The following CDH23 variants were observed in gnomAD, a reference collection of about 807,000 sequenced individuals.
The protein encoded by CDH23 is cadherin-23.
In CDH23, 189 loss-of-function variants were observed where a neutral mutation model predicts 317.1. The ratio of observed to expected loss-of-function variants is 0.60; its 90% CI spans 0.53 to 0.67. CDH23 has a LOEUF of 0.67. Among genes scored for constraint, CDH23 ranks in the 30% least tolerant of loss-of-function variants. The pLI is 0.00. For missense variants in CDH23, 4,401 were observed against 4,592.4 expected (o/e 0.96, Z 1.20); for synonymous variants, 1,839 against 1,876.8 (o/e 0.98, Z 0.52).
Position 71,784,910 on chromosome 10 carries a change from T to C in CDH23, c.5522T>C (p.Val1841Ala), listed in dbSNP as rs1589419892. The part of the protein sequence containing the change: ...LSSTMLVGIR[V>A]LDINDNDPVL... The stretch of plus-strand genomic sequence containing the variant: ...GCCCAGATGCTGGTGGGGATCCGGG[T>C]GCTGGACATCAACGACAACGACCCT... Residue 1841 changes from valine (V) to alanine (A), a missense_variant, in exon 43 of 70, where the codon GTG becomes GCG. Transcript: ENST00000224721. 6.2e-7 allele frequency: 1 copy of C among 1,613,984 alleles called. No individual in the cohort carries two copies. Among genetic ancestry groups the C allele is most frequent in the East Asian group, 2.2e-5 (1 of 44,872 alleles).
At chr10:71,547,972 C>T (rs1006168459) in intron 6 of CDH23, among the ~76,000 whole-genome samples, 32 of 152,186 alleles carry the variant, frequency 2.1e-4, no homozygotes, top group Non-Finnish European at 4.0e-4. Flanking sequence ...AGAGAGGCCC[C>T]GTGGGGTAGG....
At chr10:71,814,690 ACAC>A (rs1200442627) in intron 69 of CDH23, among the ~76,000 whole-genome samples, 2 of 139,706 alleles carry the variant, frequency 1.4e-5, no homozygotes, top group Non-Finnish European at 1.6e-5. Context: ...ATACACACAC[ACAC>A]AATTTTCACA....
At chr10:71,519,750 T>C (rs1174852504) in intron 6 of CDH23, among the ~76,000 whole-genome samples, 3 of 152,226 alleles carry the variant, frequency 2.0e-5, no homozygotes, top group Non-Finnish European at 4.4e-5. Flanking sequence ...ACTTGGTAAC[T>C]GATGGGTATT....
At chr10:71,722,448 G>A (rs1271384427) in intron 28 of CDH23, among the ~76,000 whole-genome samples, 4 of 152,202 alleles carry the variant, frequency 2.6e-5, no homozygotes, top group African/African-American at 4.8e-5. Flanking sequence ...TCCTGCATTC[G>A]TGCTTACTGA....
chr10:71,525,740 G>A (rs114878154), intron 6 of CDH23, among the ~76,000 whole-genome samples: 38 of 152,318 alleles, frequency 2.5e-4, no homozygotes, highest in East Asian at 2.1e-3. Context: ...AGGGTTCAGC[G>A]GGGGCCTGAG....
chr10:71,631,558 C>A (rs1244117896), intron 11 of CDH23, among the ~76,000 whole-genome samples: 2 of 152,210 alleles, frequency 1.3e-5, no homozygotes, highest in Non-Finnish European at 2.9e-5. Context: ...ATATCTTAGT[C>A]CATTTCTGTT....
At chr10:71,802,762 A>C (rs1036156854) in intron 53 of CDH23, 136 bp from the exon 54 acceptor site, 3 of 905,064 alleles carry the variant, frequency 3.3e-6, no homozygotes, top group Admixed American at 4.3e-5. Context: ...TCAGACTCCA[A>C]CACATTAGAA....
intron 3 of CDH23, among the ~76,000 whole-genome samples, chr10:71,466,005 GCGGCT>G (rs1171695995): frequency 2.6e-5 from 4 of 152,186 alleles, no homozygotes; most frequent in Non-Finnish European, 5.9e-5. Flanking sequence ...CCTGTGCTGG[GCGGCT>G]CTTGCTGCTG....
intron 34 of CDH23, chr10:71,737,785 G>A (rs1384409633): frequency 4.3e-6 from 2 of 468,408 alleles, no homozygotes; most frequent in Non-Finnish European, 4.4e-6. Context: ...CTCACCCGCG[G>A]CAGGCCTTCA....
intron 14 of CDH23, among the ~76,000 whole-genome samples, chr10:71,672,918 C>G (rs1415898059): frequency 6.6e-6 from 1 of 152,064 alleles, no homozygotes; most frequent in Non-Finnish European, 1.5e-5. Flanking sequence ...CAGCACACCC[C>G]CCATGACCCA....
rs74591700 is a variant in CDH23, at chr10:71,690,783, G to A, written c.2176+199G>A. Among the ~76,000 whole-genome samples, 1,517 of 152,318 alleles carry A rather than the reference G, an allele frequency of 1.0e-2. 33 individuals are homozygous for A. The highest frequency in any genetic ancestry group is 0.034 in the African/African-American group (1,393 of 41,564). On this transcript the variant is annotated intron_variant, in intron 20 of 69. Coordinates refer to ENST00000224721, the MANE Select transcript of CDH23 (RefSeq NM_022124.6). ...TACCCAAAAAATCACAACGTGAATT[G>A]ACCCAGTGAAGGACGTCTTTCAAGG...
At chr10:71,747,534 G>A (rs970683247) in intron 38 of CDH23, 11 of 152,332 alleles carry the variant, frequency 7.2e-5, no homozygotes, top group African/African-American at 2.4e-4. Flanking sequence ...CATTCAGTGA[G>A]GAGGAAGCAG....
At chr10:71,569,511 A>T (rs1589218486) in intron 7 of CDH23, among the ~76,000 whole-genome samples, 1 of 152,254 alleles carries the variant, frequency 6.6e-6, no homozygotes. Flanking sequence ...AGAAAAGGAC[A>T]TCAGATTCCC....
chr10:71,575,214 T>C (rs111442707), intron 8 of CDH23, among the ~76,000 whole-genome samples: 1,539 of 152,278 alleles, frequency 0.01, 10 homozygotes, highest in Non-Finnish European at 0.018. Flanking sequence ...TTGCTGAAAT[T>C]CTTTGGAAAA....
chr10:71,783,431 G>A (rs1841010914), intron 41 of CDH23, among the ~76,000 whole-genome samples: 1 of 152,228 alleles, frequency 6.6e-6, no homozygotes, highest in African/African-American at 2.4e-5. Flanking sequence ...TTTGAATCCT[G>A]GTCTGTCATT....
At chr10:71,813,661 CTTTGGGAGGCTGAG>C (rs2133011126) in intron 69 of CDH23, among the ~76,000 whole-genome samples, 2 of 152,232 alleles carry the variant, frequency 1.3e-5, no homozygotes, top group Admixed American at 1.3e-4. Flanking sequence ...AATCCCAGCA[CTTTGGGAGGCTGAG>C]GTGGGAGGAT....
intron 3 of CDH23, among the ~76,000 whole-genome samples, chr10:71,487,213 A>G (rs1199359581): frequency 6.6e-6 from 1 of 152,224 alleles, no homozygotes; most frequent in African/African-American, 2.4e-5. Context: ...GCAAGACAGT[A>G]GACTACTACG....
intron 3 of CDH23, among the ~76,000 whole-genome samples, chr10:71,480,861 G>C (rs1308372445): frequency 2.0e-5 from 3 of 152,104 alleles, no homozygotes; most frequent in African/African-American, 7.2e-5. Context: ...CCAAAGGAAT[G>C]ATATGAGGGA....
intron 38 of CDH23, among the ~76,000 whole-genome samples, chr10:71,771,962 T>A (rs915436702): frequency 1.2e-4 from 19 of 152,208 alleles, no homozygotes; most frequent in Non-Finnish European, 2.1e-4. Context: ...GGGAGGGCAG[T>A]GCAGGGCAGG....
Sources: allele counts gnomAD v4.1 joint callset (sites outside exome capture counted in the v4.1 genomes callset), GRCh38; gene constraint gnomAD v4.1.1; transcripts MANE v1.5; gene names NCBI Gene and HGNC (gene_info 2026-07-23, HGNC 2026-07-21).